ANKRD6: variants seen among roughly 807,000 people sequenced by gnomAD.
ANKRD6 encodes the protein ankyrin repeat domain-containing protein 6.
Under a neutral mutation model 82.3 loss-of-function variants are expected in ANKRD6, and 56 were observed. The observed-to-expected ratio is 0.68, with a 90% CI of 0.55 to 0.85. ANKRD6 has a LOEUF of 0.85. Among genes scored for constraint, ANKRD6 ranks in the 40% least tolerant of loss-of-function variants. The probability of loss-of-function intolerance (pLI) is 0.00; values close to 1 mark genes in which losing one functional copy is unlikely to be tolerated. For missense variants in ANKRD6, 852 were observed against 907.6 expected (o/e 0.94, Z 0.79); for synonymous variants, 347 against 352.1 (o/e 0.99, Z 0.16).
intron 14 of ANKRD6, 84 bp downstream of exon 14, chr6:89,627,780 C>T (rs1806206644): frequency 1.6e-6 from 2 of 1,225,162 alleles, no homozygotes; most frequent in African/African-American, 3.0e-5. Flanking sequence ...ACTGAAAACT[C>T]AGAGGCTGAG....
intron 1 of ANKRD6, among the ~76,000 whole-genome samples, chr6:89,530,204 G>C (rs944897667): frequency 6.6e-6 from 1 of 152,124 alleles, no homozygotes; most frequent in Non-Finnish European, 1.5e-5. Context: ...GCAGTGAGCT[G>C]TGACTGTGCC....
chr6:89,571,103 G>A lies in ANKRD6; in HGVS notation c.120+4007G>A, dbSNP rs536038487. On this transcript the variant is annotated intron_variant, in intron 2 of 15. Transcript: ENST00000339746. ...GTCTCGCTCTGTCGCCCAGGCTGGGGTGCAGTGGTGCTATCTTGGCTCACT... is the reference window on the plus strand; with the variant it reads ...GTCTCGCTCTGTCGCCCAGGCTGGGATGCAGTGGTGCTATCTTGGCTCACT... 4.6e-5 allele frequency among the ~76,000 whole-genome samples: 7 copies of A among 152,202 alleles called. No homozygotes were observed. In the South Asian group the frequency reaches 1.2e-3, roughly 27 times the overall value.
chr6:89,475,002 G>A (rs2127795351), intron 1 of ANKRD6, among the ~76,000 whole-genome samples: 1 of 152,278 alleles, frequency 6.6e-6, no homozygotes, highest in South Asian at 2.1e-4. Flanking sequence ...TTTACAGCCA[G>A]AGTAAAACTT....
chr6:89,458,026 A>G (rs902317437), intron 1 of ANKRD6, among the ~76,000 whole-genome samples: 2 of 152,202 alleles, frequency 1.3e-5, no homozygotes, highest in East Asian at 3.8e-4. Context: ...TGAGGATACA[A>G]TGAGCAGATG....
At chr6:89,460,678 C>T (rs756493574) in intron 1 of ANKRD6, among the ~76,000 whole-genome samples, 2 of 151,938 alleles carry the variant, frequency 1.3e-5, no homozygotes, top group South Asian at 2.1e-4. Flanking sequence ...CCAGGCAATC[C>T]GGCTGTCTTG....
At chr6:89,484,580 A>G (rs532624111) in intron 1 of ANKRD6, among the ~76,000 whole-genome samples, 3 of 152,234 alleles carry the variant, frequency 2.0e-5, no homozygotes, top group Non-Finnish European at 4.4e-5. Flanking sequence ...AAATGTTTTC[A>G]GATCTCTCTG....
At chr6:89,586,063 T>A (rs749182932) in intron 2 of ANKRD6, among the ~76,000 whole-genome samples, 1 of 152,140 alleles carries the variant, frequency 6.6e-6, no homozygotes, top group Non-Finnish European at 1.5e-5. Context: ...CAAAAACAGA[T>A]CAATAAGAAC....
At position 89,612,341 on chromosome 6, in the gene ANKRD6, G is replaced by C; in HGVS notation, c.487G>C (p.Ala163Pro). 1 of 1,562,612 alleles carries C rather than the reference G, an allele frequency of 6.4e-7. No individual in the cohort carries two copies. The highest frequency in any genetic ancestry group is 8.7e-7 in the Non-Finnish European group (1 of 1,152,730). ...HSQSTRVLLL[A>P]GSRADLKNNA... Reference sequence around the variant, plus strand: ...CCAGAGCACGCGCGTCCTCCTGCTGGCCGGGTCCCGCGCTGACCTCAAAAA... The same window carrying C: ...CCAGAGCACGCGCGTCCTCCTGCTGCCCGGGTCCCGCGCTGACCTCAAAAA... The change falls in exon 6 of 16, where the codon GCC (alanine) becomes CCC (proline). Residue 163 changes from alanine to proline, a missense_variant. By Grantham distance (27) the Ala-to-Pro change is conservative. Transcript: ENST00000339746.
chr6:89,563,177 A>T (rs1787735332), intron 1 of ANKRD6, among the ~76,000 whole-genome samples: 1 of 152,140 alleles, frequency 6.6e-6, no homozygotes, highest in Non-Finnish European at 1.5e-5. Context: ...AACCTTATAG[A>T]CCTTTTTCTG....
At chr6:89,539,231 A>T (rs1784194817) in intron 1 of ANKRD6, among the ~76,000 whole-genome samples, 1 of 152,136 alleles carries the variant, frequency 6.6e-6, no homozygotes, top group East Asian at 1.9e-4. Context: ...ATATCTTGGA[A>T]TTATTATATC....
chr6:89,562,511 G>C (rs1449336353), intron 1 of ANKRD6: 1 of 152,156 alleles, frequency 6.6e-6, no homozygotes. Flanking sequence ...TCGTTTCTCT[G>C]TCATCTGAGC....
rs1804384071 is a variant in ANKRD6, at chr6:89,623,399, T to C, written c.898-11T>C. ...AAACACAATGGGTCTCTGGGCTTTT[T>C]CCTTCTGTAGGGCAGTGTCTCAGCA... On this transcript the variant is annotated splice_polypyrimidine_tract_variant and intron_variant, in intron 10 of 15. Transcript: ENST00000339746. 2 of 1,606,264 alleles carry C rather than the reference T, an allele frequency of 1.2e-6. No individual in the cohort carries two copies. Among genetic ancestry groups the C allele is most frequent in the Non-Finnish European group, 1.7e-6 (2 of 1,177,318 alleles).
At chr6:89,482,799 T>A (rs1347163942) in intron 1 of ANKRD6, among the ~76,000 whole-genome samples, 2 of 152,196 alleles carry the variant, frequency 1.3e-5, no homozygotes, top group Admixed American at 6.5e-5. Context: ...AATGATTTCT[T>A]CCTCATTGGA....
chr6:89,490,190 G>A lies in ANKRD6; in HGVS notation c.-144+56815G>A, dbSNP rs533266152. 7.2e-5 allele frequency among the ~76,000 whole-genome samples: 11 copies of A among 152,306 alleles called. No homozygotes were observed. In the South Asian group the frequency reaches 2.1e-3, roughly 29 times the overall value. On this transcript the variant is annotated intron_variant, in intron 1 of 15. Coordinates refer to ENST00000339746, the MANE Select transcript of ANKRD6 (RefSeq NM_001242809.2). ...TTTGCTTTTCTAGTTGTTGGTCATC[G>A]TAGGATTTAGTGCTGGAAAAGACCT...
intron 1 of ANKRD6, among the ~76,000 whole-genome samples, chr6:89,554,242 C>T (rs945863544): frequency 5.3e-5 from 8 of 152,316 alleles, no homozygotes; most frequent in African/African-American, 1.9e-4. Flanking sequence ...GTCGCATTGC[C>T]TCTGGAGGAG....
intron 2 of ANKRD6, among the ~76,000 whole-genome samples, chr6:89,594,675 A>G (rs560090503): frequency 3.3e-5 from 5 of 152,174 alleles, no homozygotes; most frequent in South Asian, 4.1e-4. Context: ...GTTGGTGGTT[A>G]TGTGAAGTTT....
At chr6:89,498,922 A>G (rs982266834) in intron 1 of ANKRD6, among the ~76,000 whole-genome samples, 1 of 152,194 alleles carries the variant, frequency 6.6e-6, no homozygotes, top group African/African-American at 2.4e-5. Context: ...TAGATGCTTG[A>G]GGTTGGCTTT....
intron 1 of ANKRD6, among the ~76,000 whole-genome samples, chr6:89,504,407 GCGCTCT>G (rs1295150416): frequency 7.3e-6 from 1 of 137,418 alleles, no homozygotes; most frequent in Non-Finnish European, 1.7e-5. Context: ...GCTCTCGCTC[GCGCTCT>G]CGCTCTTTTA....
At chr6:89,527,926 C>T (rs1485480247) in intron 1 of ANKRD6, among the ~76,000 whole-genome samples, 1 of 152,214 alleles carries the variant, frequency 6.6e-6, no homozygotes, top group Non-Finnish European at 1.5e-5. Context: ...CCTCCCACCT[C>T]AGCCTCCAAA....
Sources: gnomAD v4.1 joint callset for allele counts (sites outside exome capture counted in the v4.1 genomes callset) on GRCh38, gnomAD v4.1.1 for gene constraint, MANE v1.5 for transcripts, NCBI Gene and HGNC (gene_info 2026-07-23, HGNC 2026-07-21) for gene names.